Variants in PID1 observed in about 807,000 individuals in gnomAD.
The protein encoded by PID1 is phosphotyrosine interaction domain containing 1, also known as PTB-containing, cubilin and LRP1-interacting protein.
PID1 carries 10 observed loss-of-function variants against 19.1 expected under a neutral mutation model. That is an observed-to-expected ratio of 0.52 (90% CI 0.32 to 0.89). PID1 has a LOEUF of 0.89. Ranked by LOEUF, PID1 falls within the 40% of genes least tolerant of loss-of-function variation. The pLI is 0.03. For missense variants in PID1, 248 were observed against 285.3 expected, an observed-to-expected ratio of 0.87 and a Z score of 0.94; for synonymous variants, 130 against 116.0, an observed-to-expected ratio of 1.12 and a Z score of -0.78.
rs185192537 is a variant in PID1, at chr2:229,077,734, A to C, written c.178-51626T>G. On this transcript the variant is annotated intron_variant, in intron 2 of 2. Coordinates refer to ENST00000392055, the MANE Select transcript of PID1 (RefSeq NM_001100818.2). ...ATTTCTGAGACCTCTGTTCTGTTCC[A>C]TTGGTCTATATACCCGTTTTGGTAC... Among the ~76,000 whole-genome samples, 301 of 152,188 alleles carry C rather than the reference A, an allele frequency of 2.0e-3. 1 individual carries two copies. The highest frequency in any genetic ancestry group is 6.9e-3 in the African/African-American group (288 of 41,522).
chr2:229,163,255 A>T lies in PID1; in HGVS notation c.31-7291T>A, dbSNP rs559240524. ...AAGAATTAACCTTCTTATGAAGTTT[A>T]TGTCAATCTGGCATTTCAAGAAAAG... On this transcript the variant is annotated intron_variant, in intron 1 of 2. Coordinates refer to ENST00000392055, the MANE Select transcript of PID1 (RefSeq NM_001100818.2). Among the ~76,000 whole-genome samples the T allele has an allele frequency of 3.9e-5, 6 of 152,312 alleles. No homozygotes were observed. In the South Asian group the frequency reaches 1.0e-3, roughly 26 times the overall value.
intron 1 of PID1, among the ~76,000 whole-genome samples, chr2:229,198,162 C>T (rs563135101): frequency 8.8e-4 from 133 of 151,932 alleles, no homozygotes; most frequent in Non-Finnish European, 1.5e-3. Context: ...AAAATCTTCC[C>T]GAAATTTATT....
Position 229,100,374 on chromosome 2 carries a change from T to C in PID1, c.177+55444A>G, listed in dbSNP as rs146291173. On this transcript the variant is annotated intron_variant, in intron 2 of 2. Coordinates refer to ENST00000392055, the MANE Select transcript of PID1 (RefSeq NM_001100818.2). ...TTTAAAATTAAAAATAGGTTCTTTT[T>C]ATCACATCAAACAACATTTCAATGA... Among the ~76,000 whole-genome samples, 825 of 152,324 alleles carry C rather than the reference T, an allele frequency of 5.4e-3. 12 individuals carry two copies. The highest frequency in any genetic ancestry group is 0.019 in the African/African-American group (803 of 41,568).
intron 1 of PID1, among the ~76,000 whole-genome samples, chr2:229,170,727 C>T (rs77095049): frequency 2.0e-5 from 3 of 152,132 alleles, no homozygotes; most frequent in South Asian, 4.1e-4. Context: ...CAAGTAGACG[C>T]CTCTTCATGA....
At chr2:229,204,625 G>A (rs759205300) in intron 1 of PID1, among the ~76,000 whole-genome samples, 3 of 152,016 alleles carry the variant, frequency 2.0e-5, no homozygotes, top group South Asian at 2.1e-4. Context: ...GAGAAAACAC[G>A]ACGGGTGAGG....
intron 1 of PID1, among the ~76,000 whole-genome samples, chr2:229,159,383 T>A (rs34482556): frequency 0.38 from 57,733 of 152,046 alleles, 11,632 homozygotes; most frequent in African/African-American, 0.48. Flanking sequence ...GTGATTAAAG[T>A]CCATAATCAG....
intron 2 of PID1, among the ~76,000 whole-genome samples, chr2:229,118,765 A>C (rs1282456432): frequency 6.6e-6 from 1 of 152,214 alleles, no homozygotes; most frequent in Non-Finnish European, 1.5e-5. Context: ...AGAGAGCAAA[A>C]TATATCAATC....
In PID1 at chr2:229,258,205, C is replaced by T. The variant is rs193038082; in HGVS notation, c.30+12809G>A. 5.3e-5 allele frequency among the ~76,000 whole-genome samples: 8 copies of T among 152,236 alleles called. No homozygotes were observed. The East Asian group carries it at 7.7e-4, about 15-fold the overall frequency. On this transcript the variant is annotated intron_variant, in intron 1 of 2. Transcript: ENST00000392055. ...AAAATGCATGAACTAGGAGCATGAACGAGAAACAGGGCCATCCAGAATGAG... is the reference window on the plus strand; with the variant it reads ...AAAATGCATGAACTAGGAGCATGAATGAGAAACAGGGCCATCCAGAATGAG...
chr2:229,102,970 C>T lies in PID1; in HGVS notation c.177+52848G>A, dbSNP rs552809788. 9.9e-5 allele frequency among the ~76,000 whole-genome samples: 15 copies of T among 152,190 alleles called. No homozygotes were observed. In the South Asian group the frequency reaches 2.1e-3, roughly 21 times the overall value. ...AATCTCTCAGGACCAAGGAAGTTGA[C>T]GAAGAGGAGGTTACCCTGGGATTCA... On this transcript the variant is annotated intron_variant, in intron 2 of 2. Transcript: ENST00000392055.
At chr2:229,105,875 C>T (rs956341827) in intron 2 of PID1, among the ~76,000 whole-genome samples, 9 of 151,908 alleles carry the variant, frequency 5.9e-5, no homozygotes, top group Non-Finnish European at 1.2e-4. Flanking sequence ...GTCAGGAGAT[C>T]GAGACCATCC....
intron 1 of PID1, among the ~76,000 whole-genome samples, chr2:229,230,417 G>A (rs1261627157): frequency 6.6e-6 from 1 of 152,192 alleles, no homozygotes; most frequent in Non-Finnish European, 1.5e-5. Context: ...TTTGCAATAT[G>A]AGCCCTTCTT....
intron 2 of PID1, among the ~76,000 whole-genome samples, 182 bp from the exon 3 acceptor site, chr2:229,026,290 C>T (rs1693421335): frequency 6.6e-6 from 1 of 152,146 alleles, no homozygotes; most frequent in East Asian, 1.9e-4. Flanking sequence ...AATGAGTTGC[C>T]TACTTGGCAA....
intron 1 of PID1, among the ~76,000 whole-genome samples, chr2:229,163,674 T>TGTGTGCAC (rs374622113): frequency 1.1e-5 from 1 of 94,374 alleles, no homozygotes; most frequent in African/African-American, 3.1e-5. Flanking sequence ...TGTGTGTGTG[T>TGTGTGCAC]GCGTGTGCGT....
intron 2 of PID1, among the ~76,000 whole-genome samples, chr2:229,048,235 G>A (rs1464229254): frequency 6.6e-6 from 1 of 152,078 alleles, no homozygotes; most frequent in Non-Finnish European, 1.5e-5. Context: ...TCCTAACTCA[G>A]GAACCCCCTT....
chr2:229,062,261 C>T (rs1694227766), intron 2 of PID1, among the ~76,000 whole-genome samples: 1 of 151,834 alleles, frequency 6.6e-6, no homozygotes, highest in Non-Finnish European at 1.5e-5. Context: ...AGGTACATTC[C>T]TTCTGTGGCT....
At chr2:229,265,143 T>A (rs895126487) in intron 1 of PID1, among the ~76,000 whole-genome samples, 7 of 149,962 alleles carry the variant, frequency 4.7e-5, no homozygotes, top group Non-Finnish European at 1.0e-4. Context: ...TTTTTCGTTA[T>A]TTTTTTTTTA....
chr2:229,035,538 G>C (rs1303205865), intron 2 of PID1, among the ~76,000 whole-genome samples: 1 of 140,690 alleles, frequency 7.1e-6, no homozygotes, highest in East Asian at 2.0e-4. Context: ...GTGTGTGTGT[G>C]TGCACCAACC....
intron 2 of PID1, among the ~76,000 whole-genome samples, chr2:229,092,138 T>C (rs1053745722): frequency 8.9e-6 from 1 of 112,784 alleles, no homozygotes; most frequent in Non-Finnish European, 1.7e-5. Context: ...TAGCAAGGTG[T>C]TTCCTACTTG....
In PID1 at chr2:229,024,103, G is replaced by A. The variant is rs2106158576; in HGVS notation, c.*1529C>T. On this transcript the variant is annotated 3_prime_UTR_variant, in exon 3 of 3. Coordinates refer to ENST00000392055, the MANE Select transcript of PID1 (RefSeq NM_001100818.2). ...TCAAGAAGTGAGTCCTCCTCAATAT[G>A]ACTCCATGCTTATTCTACATGCCTG... The A allele has an allele frequency of 6.5e-6, 1 of 152,690 alleles. No homozygotes were observed. Among genetic ancestry groups the A allele is most frequent in the South Asian group, 2.1e-4 (1 of 4,822 alleles). The allele number at this position is 152,690 out of a possible 1,614,324, so 9.5% of individuals were successfully genotyped here. A position where few individuals can be genotyped will look rare whatever the true frequency, so the allele number is the denominator to read the frequency against.
Sources: allele counts gnomAD v4.1 joint callset (sites outside exome capture counted in the v4.1 genomes callset), GRCh38; gene constraint gnomAD v4.1.1; transcripts MANE v1.5; gene names NCBI Gene and HGNC (gene_info 2026-07-23, HGNC 2026-07-21).